The following PARD6G variants were observed in gnomAD, a reference collection of about 807,000 sequenced individuals.
PARD6G encodes the protein par-6 family cell polarity regulator gamma.
PARD6G carries 7 observed loss-of-function variants against 10.7 expected under a neutral mutation model. The observed-to-expected ratio is 0.66, with a 90% confidence interval of 0.37 to 1.23. The LOEUF (loss-of-function observed/expected upper bound fraction) is 1.23, where lower values mean the gene tolerates loss of function less well. PARD6G is among the 50% of genes most tolerant of loss of function. PARD6G has a pLI of 0.02. For synonymous variants in PARD6G, 287 were observed against 269.4 expected (o/e 1.07, Z -0.64); for missense variants, 548 against 571.8 (o/e 0.96, Z 0.42).
Position 80,159,970 on chromosome 18 carries a change from C to A in PARD6G, c.932G>T (p.Arg311Leu), listed in dbSNP as rs2052685369. 4 of 1,497,538 alleles carry A rather than the reference C, an allele frequency of 2.7e-6. No individual in the cohort carries two copies. The Admixed American group carries it at 7.3e-5, about 28-fold the overall frequency. 92.8% of individuals were successfully genotyped at this position (1,497,538 alleles called of 1,614,324 possible). The stretch of plus-strand genomic sequence containing the variant: ...GGGCGCGCCCGGGGTCTGGGGGGGA[C>A]GTGCAGGCTCCAGTGTGCCCTCGAT... ...VVIEGTLEPA[R>L]PPQTPGAPAG... The change falls in exon 3 of 3, where the codon CGT becomes CTT. Residue 311 changes from arginine (R) to leucine (L), a missense_variant. Physicochemically the swap from Arg to Leu is moderately radical, Grantham distance 102. Transcript: ENST00000353265.
chr18:80,221,788 A>C (rs1967233452), intron 1 of PARD6G, among the ~76,000 whole-genome samples: 1 of 152,274 alleles, frequency 6.6e-6, no homozygotes, highest in Admixed American at 6.5e-5. Flanking sequence ...TTGTATATAG[A>C]AAATCCTAAG....
chr18:80,186,639 G>A (rs774307842), intron 2 of PARD6G, among the ~76,000 whole-genome samples: 8 of 149,620 alleles, frequency 5.3e-5, no homozygotes, highest in Non-Finnish European at 7.4e-5. Context: ...TGCTGCTCTC[G>A]ATGGGATAAC....
At position 80,216,059 on chromosome 18, in the gene PARD6G, C is replaced by A. The variant is rs549461798; in HGVS notation, c.73-13127G>T. On this transcript the variant is annotated intron_variant, in intron 1 of 2. Transcript: ENST00000353265. ...TAAAAGGGTAAATCTATCAGGAAGA[C>A]ATAACAATTATAAACATATATACAT... Among the ~76,000 whole-genome samples the A allele has an allele frequency of 3.3e-5, 5 of 152,048 alleles. No individual in the cohort carries two copies. In the South Asian group the frequency reaches 8.3e-4, roughly 25 times the overall value.
chr18:80,210,377 G>A (rs1456575699), intron 1 of PARD6G, among the ~76,000 whole-genome samples: 1 of 152,260 alleles, frequency 6.6e-6, no homozygotes, highest in East Asian at 1.9e-4. Context: ...CTGAATCTCA[G>A]TAAGAGCAGC....
rs1054831533 is a variant in PARD6G, at chr18:80,157,513, G to A, written c.*2258C>T. 6.6e-6 allele frequency: 1 copy of A among 151,392 alleles called. No individual in the cohort carries two copies. The highest frequency in any genetic ancestry group is 1.5e-5 in the Non-Finnish European group (1 of 67,896). The allele number at this position is 151,392 out of a possible 1,614,324, so 9.4% of individuals were successfully genotyped here. On this transcript the variant is annotated 3_prime_UTR_variant, in exon 3 of 3. Coordinates refer to ENST00000353265, the MANE Select transcript of PARD6G (RefSeq NM_032510.4). ...AATATAACCTTCCTTCTTGATAGCCGACCCAGTTATATAACAGACATTCAA... is the reference window on the plus strand; with the variant it reads ...AATATAACCTTCCTTCTTGATAGCCAACCCAGTTATATAACAGACATTCAA...
chr18:80,218,956 C>T (rs540230274), intron 1 of PARD6G, among the ~76,000 whole-genome samples: 3 of 152,348 alleles, frequency 2.0e-5, no homozygotes, highest in African/African-American at 4.8e-5. Context: ...CCCTTTTAGC[C>T]GCGGCTGGAG....
chr18:80,159,632 T>G lies in PARD6G; in HGVS notation c.*139A>C, dbSNP rs1414565876. 8.0e-7 allele frequency: 1 copy of G among 1,248,642 alleles called. No homozygotes were observed. Among genetic ancestry groups the G allele is most frequent in the African/African-American group, 1.6e-5 (1 of 63,234 alleles). 77.3% of individuals were successfully genotyped at this position (1,248,642 alleles called of 1,614,324 possible). ...TAAAAATAGGCAATACTTGTGTTTTTATATCCGGAAGTTGAAACAAAGAGC... is the reference window on the plus strand; with the variant it reads ...TAAAAATAGGCAATACTTGTGTTTTGATATCCGGAAGTTGAAACAAAGAGC... On this transcript the variant is annotated 3_prime_UTR_variant, in exon 3 of 3. Transcript: ENST00000353265.
intron 1 of PARD6G, among the ~76,000 whole-genome samples, chr18:80,235,906 G>A (rs1163802617): frequency 6.6e-6 from 1 of 152,066 alleles, no homozygotes; most frequent in Non-Finnish European, 1.5e-5. Context: ...ATTCACAGCC[G>A]AATTCTACCA....
intron 1 of PARD6G, among the ~76,000 whole-genome samples, chr18:80,225,969 T>G (rs1378909326): frequency 6.6e-6 from 1 of 152,110 alleles, no homozygotes; most frequent in Non-Finnish European, 1.5e-5. Flanking sequence ...CTGTAATGTG[T>G]AGGAAGACAT....
At chr18:80,177,717 A>G (rs2052822881) in intron 2 of PARD6G, among the ~76,000 whole-genome samples, 1 of 151,512 alleles carries the variant, frequency 6.6e-6, no homozygotes, top group Non-Finnish European at 1.5e-5. Flanking sequence ...ATATACACGC[A>G]AACACGCACA....
intron 1 of PARD6G, among the ~76,000 whole-genome samples, chr18:80,205,259 T>G (rs887658098): frequency 5.9e-5 from 9 of 152,192 alleles, no homozygotes; most frequent in African/African-American, 2.2e-4. Context: ...TGCAGATTCT[T>G]TCACACACAG....
At chr18:80,212,319 C>G (rs1036745639) in intron 1 of PARD6G, among the ~76,000 whole-genome samples, 3 of 152,060 alleles carry the variant, frequency 2.0e-5, no homozygotes, top group Non-Finnish European at 4.4e-5. Flanking sequence ...TAACCATGAA[C>G]TGGAATAAAC....
At chr18:80,195,400 C>T (rs553404956) in intron 2 of PARD6G, among the ~76,000 whole-genome samples, 40 of 151,680 alleles carry the variant, frequency 2.6e-4, no homozygotes, top group African/African-American at 8.5e-4. Flanking sequence ...CAGCCATGTA[C>T]CTGGCCCCCC....
chr18:80,174,196 T>A (rs2084547395), intron 2 of PARD6G, among the ~76,000 whole-genome samples: 1 of 152,066 alleles, frequency 6.6e-6, no homozygotes, highest in Non-Finnish European at 1.5e-5. Flanking sequence ...CCCTGTATCC[T>A]CTCCAGGTCC....
At chr18:80,187,518 G>T (rs562240352) in intron 2 of PARD6G, among the ~76,000 whole-genome samples, 14 of 152,202 alleles carry the variant, frequency 9.2e-5, no homozygotes, top group Admixed American at 9.2e-4. Context: ...GTTAGATTTA[G>T]TTGTGAATCA....
At position 80,159,968 on chromosome 18, in the gene PARD6G, G is replaced by C. The variant is rs545623567; in HGVS notation, c.934C>G (p.Pro312Ala). 10 of 1,500,300 alleles carry C rather than the reference G, an allele frequency of 6.7e-6. No homozygotes were observed. The highest frequency in any genetic ancestry group is 4.1e-5 in the South Asian group (3 of 73,860). 92.9% of individuals were successfully genotyped at this position (1,500,300 alleles called of 1,614,324 possible). A position where few individuals can be genotyped will look rare whatever the true frequency, so the allele number is the denominator to read the frequency against. ...GCGGGCGCGCCCGGGGTCTGGGGGG[G>C]ACGTGCAGGCTCCAGTGTGCCCTCG... The part of the protein sequence containing the change: ...VIEGTLEPAR[P>A]PQTPGAPAGS... Residue 312 changes from proline (P) to alanine (A), a missense_variant, in exon 3 of 3, where the codon CCC (proline) becomes GCC (alanine). By Grantham distance (27) the Pro-to-Ala change is conservative. Around this residue, in one of 2 missense-constraint regions of PARD6G, gnomAD observed 313 missense variants for 279.9 expected, o/e 1.12. Transcript: ENST00000353265.
Position 80,183,172 on chromosome 18 carries a change from A to G in PARD6G, c.295+19538T>C. 1 of 702,972 alleles carries G rather than the reference A, an allele frequency of 1.4e-6. No homozygotes were observed. Among genetic ancestry groups the G allele is most frequent in the Non-Finnish European group, 2.6e-6 (1 of 384,994 alleles). The allele number at this position is 702,972 out of a possible 1,614,324, so 43.5% of individuals were successfully genotyped here. A position where few individuals can be genotyped will look rare whatever the true frequency, so the allele number is the denominator to read the frequency against. ...TCATCTGCAGGAAAATTAGTGAAGA[A>G]GTGGAGGGCCTTGCAATGTGAAAGG... On this transcript the variant is annotated intron_variant, in intron 2 of 2. Coordinates refer to ENST00000353265, the MANE Select transcript of PARD6G (RefSeq NM_032510.4). The surrounding 1 kb of genome is among the most constrained non-coding windows in gnomAD (Gnocchi z 4.5).
intron 1 of PARD6G, among the ~76,000 whole-genome samples, chr18:80,226,732 G>A (rs1599873631): frequency 6.6e-6 from 1 of 152,238 alleles, no homozygotes. Context: ...GTGACAGACT[G>A]TTGTCACACT....
intron 1 of PARD6G, among the ~76,000 whole-genome samples, chr18:80,219,203 GGTTTGTTT>G (rs56321410): frequency 1.0e-4 from 15 of 143,010 alleles, no homozygotes; most frequent in African/African-American, 3.0e-4. Context: ...CAGAAAATAG[GGTTTGTTT>G]GTTTGTTTGT....
Sources: allele counts gnomAD v4.1 joint callset (sites outside exome capture counted in the v4.1 genomes callset), GRCh38; gene constraint gnomAD v4.1.1; regional missense constraint gnomAD v4.1.1; non-coding constraint Gnocchi (gnomAD v3.1); transcripts MANE v1.5; gene names NCBI Gene and HGNC (gene_info 2026-07-23, HGNC 2026-07-21).